Variants in TTC7B observed in about 807,000 individuals in gnomAD.
TTC7B encodes the protein tetratricopeptide repeat protein 7B.
TTC7B carries 28 observed loss-of-function variants against 106.8 expected under a neutral mutation model. That is an observed-to-expected ratio of 0.26 (90% CI 0.19 to 0.36). TTC7B has a LOEUF of 0.36. Ranked by LOEUF, TTC7B falls within the 10% of genes least tolerant of loss-of-function variation. TTC7B has a pLI of 1.00. For synonymous variants in TTC7B, 405 were observed against 430.6 expected (o/e 0.94, Z 0.74); for missense variants, 862 against 1,076.4 (o/e 0.80, Z 2.79).
chr14:90,803,569 C>G (rs1478403248), intron 1 of TTC7B, among the ~76,000 whole-genome samples: 1 of 152,158 alleles, frequency 6.6e-6, no homozygotes, highest in Admixed American at 6.5e-5. Context: ...GAGGGCCTGG[C>G]TAGTTGGAAC....
chr14:90,564,692 T>C (rs950344499), intron 19 of TTC7B, among the ~76,000 whole-genome samples: 1 of 152,152 alleles, frequency 6.6e-6, no homozygotes, highest in Non-Finnish European at 1.5e-5. Flanking sequence ...GAGGATTGCT[T>C]GAAGCCAGGA....
intron 3 of TTC7B, among the ~76,000 whole-genome samples, chr14:90,778,626 G>A (rs1183439846): frequency 1.3e-5 from 2 of 152,194 alleles, no homozygotes; most frequent in African/African-American, 4.8e-5. Flanking sequence ...AGGCACGTGA[G>A]GTAGCTGGGT....
intron 1 of TTC7B, among the ~76,000 whole-genome samples, chr14:90,798,112 C>T (rs778167919): frequency 2.0e-5 from 3 of 152,186 alleles, no homozygotes; most frequent in Admixed American, 6.5e-5. Flanking sequence ...GTGACCGCCA[C>T]GAGAACGTGC....
At chr14:90,625,790 AT>A (rs1256761815) in intron 15 of TTC7B, among the ~76,000 whole-genome samples, 1 of 152,224 alleles carries the variant, frequency 6.6e-6, no homozygotes, top group East Asian at 1.9e-4. Context: ...GAATAATCGA[AT>A]TCCTCAACGG....
In TTC7B at chr14:90,714,709, G is replaced by A. The variant is rs1156598465; in HGVS notation, c.698+15366C>T. 6.6e-5 allele frequency among the ~76,000 whole-genome samples: 10 copies of A among 152,122 alleles called. No homozygotes were observed. In the South Asian group the frequency reaches 8.3e-4, roughly 13 times the overall value. ...TGACATCAGGTGATCCACCCACCTCGGCCTCCCAAAGTGCTGAGATTATAG... is the reference window on the plus strand; with the variant it reads ...TGACATCAGGTGATCCACCCACCTCAGCCTCCCAAAGTGCTGAGATTATAG... On this transcript the variant is annotated intron_variant, in intron 5 of 19. Coordinates refer to ENST00000328459, the MANE Select transcript of TTC7B (RefSeq NM_001010854.2).
chr14:90,736,443 G>A (rs1889532628), intron 4 of TTC7B, among the ~76,000 whole-genome samples: 1 of 151,956 alleles, frequency 6.6e-6, no homozygotes, highest in South Asian at 2.1e-4. Context: ...GTAGTGGTGG[G>A]CACCTGTAAT....
In TTC7B at chr14:90,532,952, TG is replaced by T. The variant is rs1889321002; in HGVS notation, c.*8415del. 1 of 152,248 alleles carries T rather than the reference TG, an allele frequency of 6.6e-6. No homozygotes were observed. The highest frequency in any genetic ancestry group is 2.4e-5 in the African/African-American group (1 of 41,426). 9.4% of individuals were successfully genotyped at this position (152,248 alleles called of 1,614,324 possible). A position where few individuals can be genotyped will look rare whatever the true frequency, so the allele number is the denominator to read the frequency against. On this transcript the variant is annotated 3_prime_UTR_variant, in exon 20 of 20. Transcript: ENST00000328459. Reference sequence around the variant, plus strand: ...CCTGCCATGCCCGGGGGAGGAGCCATGCAGGGGTAGGGCTGGGCTGTGCTCG... The same window carrying T: ...CCTGCCATGCCCGGGGGAGGAGCCATCAGGGGTAGGGCTGGGCTGTGCTCG...
intron 9 of TTC7B, among the ~76,000 whole-genome samples, chr14:90,668,708 G>T (rs1595264287): frequency 6.6e-6 from 1 of 151,836 alleles, no homozygotes; most frequent in East Asian, 1.9e-4. Context: ...TATTCAGCAT[G>T]TAAAGTAGCA....
At chr14:90,773,775 C>T (rs1890938340) in intron 3 of TTC7B, among the ~76,000 whole-genome samples, 1 of 152,166 alleles carries the variant, frequency 6.6e-6, no homozygotes, top group Non-Finnish European at 1.5e-5. Context: ...CTCCAAGAGC[C>T]CTCCACACAG....
At chr14:90,660,665 G>C (rs989006625) in intron 9 of TTC7B, among the ~76,000 whole-genome samples, 5 of 152,064 alleles carry the variant, frequency 3.3e-5, no homozygotes, top group Non-Finnish European at 5.9e-5. Flanking sequence ...AAGGAAGGAG[G>C]GCAAGGAGCT....
intron 19 of TTC7B, among the ~76,000 whole-genome samples, chr14:90,556,398 A>G (rs1276663527): frequency 6.6e-6 from 1 of 152,010 alleles, no homozygotes; most frequent in African/African-American, 2.4e-5. Flanking sequence ...GTCAGCTCAT[A>G]GGAGGGGGGA....
Position 90,807,185 on chromosome 14 carries a change from C to T in TTC7B, c.121+8990G>A, listed in dbSNP as rs762018602. On this transcript the variant is annotated intron_variant, in intron 1 of 19. Coordinates refer to ENST00000328459, the MANE Select transcript of TTC7B (RefSeq NM_001010854.2). This position sits in a 1 kb window ranked among gnomAD's most constrained non-coding sequence, Gnocchi z 4.1. ...CCAACCAGGACGAGTTGGTCACCCT[C>T]ACGCCACCACCCTGCCCAAGATCCT... Among the ~76,000 whole-genome samples, 10 of 152,158 alleles carry T rather than the reference C, an allele frequency of 6.6e-5. No individual in the cohort carries two copies. The highest frequency in any genetic ancestry group is 1.0e-4 in the Non-Finnish European group (7 of 68,028).
At chr14:90,747,193 C>G (rs1450566367) in intron 3 of TTC7B, among the ~76,000 whole-genome samples, 2 of 152,146 alleles carry the variant, frequency 1.3e-5, no homozygotes, top group Non-Finnish European at 2.9e-5. Flanking sequence ...TAACAAAATC[C>G]CTAGGCACCA....
rs1215537280 is a variant in TTC7B at position 90,526,046 on chromosome 14, C to A, written c.*15322G>T. 6.6e-6 allele frequency: 1 copy of A among 151,556 alleles called. No individual in the cohort carries two copies. The highest frequency in any genetic ancestry group is 1.5e-5 in the Non-Finnish European group (1 of 67,934). 9.4% of individuals were successfully genotyped at this position (151,556 alleles called of 1,614,324 possible). A position where few individuals can be genotyped will look rare whatever the true frequency, so the allele number is the denominator to read the frequency against. ...CATATATTTCCTTTTCTCTGGGGTA[C>A]ATACTAAGAGAGGAATTCCTGGATA... On this transcript the variant is annotated 3_prime_UTR_variant, in exon 20 of 20. Coordinates refer to ENST00000328459, the MANE Select transcript of TTC7B (RefSeq NM_001010854.2).
At chr14:90,801,381 C>A (rs2030259468) in intron 1 of TTC7B, among the ~76,000 whole-genome samples, 1 of 152,082 alleles carries the variant, frequency 6.6e-6, no homozygotes, top group African/African-American at 2.4e-5. Flanking sequence ...TGACTCTGAC[C>A]TCCAGAACGC....
At chr14:90,602,208 G>A (rs1446522967) in intron 17 of TTC7B, 5 of 455,842 alleles carry the variant, frequency 1.1e-5, no homozygotes, top group African/African-American at 2.0e-5. Flanking sequence ...TTCCTAGGGT[G>A]GAAAAAACGA....
intron 5 of TTC7B, among the ~76,000 whole-genome samples, chr14:90,729,015 T>C (rs1325401004): frequency 6.6e-6 from 1 of 152,212 alleles, no homozygotes; most frequent in Non-Finnish European, 1.5e-5. Context: ...TGAGATCGAA[T>C]GCAAGAGCAT....
At chr14:90,603,431 A>C (rs182012736) in intron 17 of TTC7B, 2 of 551,488 alleles carry the variant, frequency 3.6e-6, no homozygotes, top group Admixed American at 3.6e-5. Context: ...GTCTAGAATC[A>C]TATTTCCATT....
intron 15 of TTC7B, among the ~76,000 whole-genome samples, chr14:90,623,748 C>T (rs1294385917): frequency 6.6e-6 from 1 of 152,224 alleles, no homozygotes; most frequent in Non-Finnish European, 1.5e-5. Flanking sequence ...TGGCTGGGCG[C>T]TGTGGCTCAC....
Sources: allele counts gnomAD v4.1 joint callset (sites outside exome capture counted in the v4.1 genomes callset), GRCh38; gene constraint gnomAD v4.1.1; non-coding constraint Gnocchi (gnomAD v3.1); transcripts MANE v1.5; gene names NCBI Gene and HGNC (gene_info 2026-07-23, HGNC 2026-07-21).